Variants in RGS6 observed in about 807,000 individuals in gnomAD.
RGS6 encodes the protein regulator of G protein signaling 6, also known as regulator of G-protein signaling 6.
In RGS6, 30 loss-of-function variants were observed where a neutral mutation model predicts 78.5. The observed-to-expected ratio is 0.38, with a 90% CI of 0.29 to 0.52. The LOEUF is 0.52. RGS6 is among the 20% of genes least tolerant of loss of function. RGS6 has a pLI of 0.85. For missense variants in RGS6, 495 were observed against 609.7 expected (o/e 0.81, Z 1.98); for synonymous variants, 206 against 206.0 (o/e 1.00, Z 0.00).
At chr14:72,354,175 C>T (rs1301762728) in intron 3 of RGS6, among the ~76,000 whole-genome samples, 1 of 152,172 alleles carries the variant, frequency 6.6e-6, no homozygotes, top group Non-Finnish European at 1.5e-5. Flanking sequence ...TAGAACAAAG[C>T]ACCCTACACT....
intron 7 of RGS6, chr14:72,469,800 G>A (rs917996495): frequency 2.0e-6 from 1 of 496,032 alleles, no homozygotes; most frequent in Non-Finnish European, 3.6e-6. Context: ...CAGACTTAAT[G>A]GGTGTGTAAA....
At chr14:72,231,762 G>A (rs1007829389) in intron 2 of RGS6, among the ~76,000 whole-genome samples, 2 of 152,188 alleles carry the variant, frequency 1.3e-5, no homozygotes, top group Admixed American at 6.5e-5. Flanking sequence ...ATAGGGAAGA[G>A]CGTGTTCGAG....
chr14:72,010,453 G>T (rs945575942), intron 2 of RGS6, among the ~76,000 whole-genome samples: 34 of 152,276 alleles, frequency 2.2e-4, no homozygotes, highest in African/African-American at 8.2e-4. Flanking sequence ...ACTTCTTTGA[G>T]TCATTTACAG....
intron 2 of RGS6, among the ~76,000 whole-genome samples, chr14:72,003,986 T>G (rs1481192170): frequency 6.6e-6 from 1 of 151,976 alleles, no homozygotes; most frequent in African/African-American, 2.4e-5. Context: ...CAGTCCATAC[T>G]TTGCCAAACT....
At chr14:71,909,509 G>A in the RGS6 span, among the ~76,000 whole-genome samples, 1 of 151,512 alleles carries the variant, frequency 6.6e-6, no homozygotes, top group African/African-American at 2.4e-5. Context: ...GAGAAATAAG[G>A]ACAGAGGGTG....
intron 17 of RGS6, among the ~76,000 whole-genome samples, chr14:72,549,588 G>A (rs150252001): frequency 2.4e-4 from 37 of 152,324 alleles, no homozygotes; most frequent in African/African-American, 7.0e-4. Flanking sequence ...CCGGCTGGGC[G>A]TGGTGGCTCA....
intron 2 of RGS6, among the ~76,000 whole-genome samples, chr14:72,029,083 C>T (rs4262883): frequency 0.045 from 6,834 of 152,224 alleles, 195 homozygotes; most frequent in African/African-American, 0.082. Flanking sequence ...ATATTTTGAA[C>T]GTGGACATTG....
At chr14:72,355,046 G>C (rs1002858680) in intron 3 of RGS6, among the ~76,000 whole-genome samples, 2 of 151,868 alleles carry the variant, frequency 1.3e-5, no homozygotes, top group South Asian at 4.1e-4. Flanking sequence ...TTGCTGGTTT[G>C]GGTATCAAAT....
chr14:72,384,740 A>AT (rs1020032316), intron 3 of RGS6, among the ~76,000 whole-genome samples: 1 of 151,762 alleles, frequency 6.6e-6, no homozygotes, highest in African/African-American at 2.4e-5. Context: ...CGGTTTGCAT[A>AT]TTTTTTTTAT....
chr14:71,987,760 T>G (rs1051629638), intron 2 of RGS6, among the ~76,000 whole-genome samples: 3 of 152,150 alleles, frequency 2.0e-5, no homozygotes, highest in Non-Finnish European at 4.4e-5. Context: ...GGCTCAAGTA[T>G]ATCCTCCCTC....
chr14:71,913,597 G>A, the RGS6 span, among the ~76,000 whole-genome samples: 2 of 152,364 alleles, frequency 1.3e-5, no homozygotes, highest in African/African-American at 4.8e-5. Flanking sequence ...CTTGCTTGAA[G>A]AGAGGATGGA....
rs944640212 is a variant in RGS6, at chr14:72,198,999, G to C, written c.85-153096G>C. On this transcript the variant is annotated intron_variant, in intron 2 of 17. Transcript: ENST00000553525. ...TATTAGCAATGGTTCTCTGACTGGG[G>C]TGTCCAAATGCATTCTAAGGGGACT... is the stretch of plus-strand genomic sequence containing the variant. 2.0e-5 allele frequency among the ~76,000 whole-genome samples: 3 copies of C among 152,184 alleles called. 1 individual carries two copies. Among genetic ancestry groups the C allele is most frequent in the South Asian group, 4.1e-4 (2 of 4,820 alleles).
chr14:72,012,819 T>C (rs189662161), intron 2 of RGS6, among the ~76,000 whole-genome samples: 1 of 152,268 alleles, frequency 6.6e-6, no homozygotes, highest in Admixed American at 6.5e-5. Flanking sequence ...TTTCCCCTCA[T>C]CTGTAAACTG....
In RGS6 at chr14:72,488,818, G is replaced by T. The variant is rs903817934; in HGVS notation, c.855-6334G>T. ...TTGTCCACAGGACCTGACCTGGCTG[G>T]TTGGACCCCACTTCCCAGGTTGGAG... is the stretch of plus-strand genomic sequence containing the variant. On this transcript the variant is annotated intron_variant, in intron 12 of 17. Coordinates refer to ENST00000553525, the MANE Select transcript of RGS6 (RefSeq NM_001204424.2). 2.9e-4 allele frequency among the ~76,000 whole-genome samples: 44 copies of T among 152,320 alleles called. 1 individual carries two copies. Among genetic ancestry groups the T allele is most frequent in the South Asian group, 8.3e-4 (4 of 4,828 alleles).
the RGS6 span, among the ~76,000 whole-genome samples, chr14:71,881,493 G>A: frequency 6.6e-6 from 1 of 152,142 alleles, no homozygotes; most frequent in African/African-American, 2.4e-5. Flanking sequence ...AATCATGGGG[G>A]CAGTTTCCCC....
chr14:72,473,103 T>C (rs1291216431), intron 9 of RGS6, 150 bp downstream of exon 9: 2 of 556,922 alleles, frequency 3.6e-6, no homozygotes, highest in Non-Finnish European at 6.4e-6. Flanking sequence ...TTCATTTATA[T>C]AATCTCAGTA....
intron 2 of RGS6, among the ~76,000 whole-genome samples, chr14:71,997,429 A>G (rs2095245928): frequency 1.3e-5 from 2 of 152,350 alleles, no homozygotes; most frequent in Admixed American, 6.5e-5. Context: ...TCAGGGCTTC[A>G]TAGCCTAGAA....
At chr14:72,329,819 G>T (rs1243356919) in intron 2 of RGS6, among the ~76,000 whole-genome samples, 2 of 152,130 alleles carry the variant, frequency 1.3e-5, no homozygotes, top group African/African-American at 2.4e-5. Flanking sequence ...AGGAGGAAGG[G>T]ACATGTGCAA....
At chr14:72,329,448 G>A (rs2074508068) in intron 2 of RGS6, among the ~76,000 whole-genome samples, 1 of 152,246 alleles carries the variant, frequency 6.6e-6, no homozygotes, top group Non-Finnish European at 1.5e-5. Context: ...GGGAGTGGTT[G>A]TGGAAAGCAC....
Sources: allele counts gnomAD v4.1 joint callset (sites outside exome capture counted in the v4.1 genomes callset), GRCh38; gene constraint gnomAD v4.1.1; transcripts MANE v1.5; gene names NCBI Gene and HGNC (gene_info 2026-07-23, HGNC 2026-07-21).